The following ZNF248 variants were observed in gnomAD, a reference collection of about 807,000 sequenced individuals.
ZNF248 encodes the protein KRAB protein domain.
Under a neutral mutation model 44.3 loss-of-function variants are expected in ZNF248, and 20 were observed. The observed-to-expected ratio is 0.45, with a 90% CI of 0.32 to 0.66. ZNF248 has a LOEUF of 0.66. ZNF248 is among the 30% of genes least tolerant of loss of function. ZNF248 has a pLI of 0.04. For missense variants in ZNF248, 654 were observed against 677.0 expected (o/e 0.97, Z 0.38); for synonymous variants, 224 against 229.0 (o/e 0.98, Z 0.20).
chr10:37,759,653 A>G, the ZNF248 span, among the ~76,000 whole-genome samples: 3 of 152,250 alleles, frequency 2.0e-5, no homozygotes, highest in Non-Finnish European at 4.4e-5. Flanking sequence ...GAGCCTTTTT[A>G]GTAAAGATTA....
downstream of ZNF248, among the ~76,000 whole-genome samples, chr10:37,771,804 C>T (rs1214638722): frequency 2.0e-5 from 3 of 151,974 alleles, no homozygotes; most frequent in Non-Finnish European, 4.4e-5. Context: ...AAAAAACAAT[C>T]GATGCACACC....
Position 37,829,614 on chromosome 10 carries a change from A to G in ZNF248, c.*2001T>C. On this transcript the variant is annotated 3_prime_UTR_variant, in exon 6 of 6. Coordinates refer to ENST00000395867, the MANE Select transcript of ZNF248 (RefSeq NM_021045.3). ...GTCCCAGTAGAGAACAGGTATAGAG[A>G]GCAGAGTAGCTCGGCAACGTCACCT... 2 of 985,428 alleles carry G rather than the reference A, an allele frequency of 2.0e-6. No homozygotes were observed. Among genetic ancestry groups the G allele is most frequent in the South Asian group, 4.7e-5 (1 of 21,284 alleles). 61.0% of individuals were successfully genotyped at this position (985,428 alleles called of 1,614,324 possible).
chr10:37,762,947 T>A, the ZNF248 span, among the ~76,000 whole-genome samples: 16 of 152,262 alleles, frequency 1.1e-4, no homozygotes, highest in East Asian at 5.8e-4. Flanking sequence ...ATTATTTTTT[T>A]AAAAAAATGT....
At chr10:37,820,205 T>G (rs2053228108) in intron 6 of ZNF248, 1 of 1,287,048 alleles carries the variant, frequency 7.8e-7, no homozygotes, top group African/African-American at 1.5e-5. Flanking sequence ...TTTTTTATAT[T>G]GTGAGGTCGG....
chr10:37,828,453 A>G (rs1457171599), downstream of ZNF248, among the ~76,000 whole-genome samples: 1 of 152,214 alleles, frequency 6.6e-6, no homozygotes, highest in Non-Finnish European at 1.5e-5. Flanking sequence ...GCTGGAAGCA[A>G]TAAGGACACA....
rs931479589 is a variant in ZNF248, at chr10:37,831,471, A to G, written c.*144T>C. 5 of 1,458,588 alleles carry G rather than the reference A, an allele frequency of 3.4e-6. No individual in the cohort carries two copies. In the African/African-American group the frequency reaches 7.2e-5, roughly 21 times the overall value. The allele number at this position is 1,458,588 out of a possible 1,614,324, so 90.4% of individuals were successfully genotyped here. A position where few individuals can be genotyped will look rare whatever the true frequency, so the allele number is the denominator to read the frequency against. On this transcript the variant is annotated 3_prime_UTR_variant, in exon 6 of 6. Transcript: ENST00000395867. ...TCCCCTCAGTACAAATTTTCTAATGAAAAGTTTTAATTTTTCTTGAAAGCT... is the reference window on the plus strand; with the variant it reads ...TCCCCTCAGTACAAATTTTCTAATGGAAAGTTTTAATTTTTCTTGAAAGCT...
At chr10:37,841,593 T>C (rs938960553) in intron 3 of ZNF248, among the ~76,000 whole-genome samples, 11 of 152,218 alleles carry the variant, frequency 7.2e-5, no homozygotes, top group African/African-American at 2.7e-4. Context: ...ATAATTTATA[T>C]GGATACTCTG....
downstream of ZNF248, among the ~76,000 whole-genome samples, chr10:37,772,220 A>C (rs1164352894): frequency 6.6e-6 from 1 of 151,702 alleles, no homozygotes; most frequent in African/African-American, 2.4e-5. Context: ...AGCCAAGTTC[A>C]TGCCACTGCA....
chr10:37,830,580 T>C lies in ZNF248; in HGVS notation c.*1035A>G. On this transcript the variant is annotated 3_prime_UTR_variant, in exon 6 of 6. Coordinates refer to ENST00000395867, the MANE Select transcript of ZNF248 (RefSeq NM_021045.3). ...TCAGGAAATAGAAGGGGTATGTGGT[T>C]TGTATTGCCAAATACGTTTTCATAT... The C allele has an allele frequency of 1.0e-6, 1 of 985,436 alleles. No individual in the cohort carries two copies. Among genetic ancestry groups the C allele is most frequent in the Non-Finnish European group, 1.2e-6 (1 of 829,920 alleles). 61.0% of individuals were successfully genotyped at this position (985,436 alleles called of 1,614,324 possible). A position where few individuals can be genotyped will look rare whatever the true frequency, so the allele number is the denominator to read the frequency against.
At chr10:37,847,201 A>AT (rs1285672806) in intron 3 of ZNF248, among the ~76,000 whole-genome samples, 1 of 151,628 alleles carries the variant, frequency 6.6e-6, no homozygotes, top group Non-Finnish European at 1.5e-5. Context: ...CTAACTTTTT[A>AT]TTTTTATTTT....
At chr10:37,855,209 G>A (rs1343125923) in intron 3 of ZNF248, among the ~76,000 whole-genome samples, 1 of 152,140 alleles carries the variant, frequency 6.6e-6, no homozygotes, top group Non-Finnish European at 1.5e-5. Context: ...GTCTGGGACT[G>A]TCCCAATATA....
chr10:37,826,483 C>T (rs1314622789), downstream of ZNF248, among the ~76,000 whole-genome samples: 5 of 152,282 alleles, frequency 3.3e-5, no homozygotes, highest in East Asian at 9.6e-4. Flanking sequence ...TCTGACTGTT[C>T]TTCTAAAGTT....
At chr10:37,765,748 CAG>C in the ZNF248 span, among the ~76,000 whole-genome samples, 1 of 152,326 alleles carries the variant, frequency 6.6e-6, no homozygotes, top group African/African-American at 2.4e-5. Context: ...TAGGGAGTGC[CAG>C]ACAGTGGGTG....
the ZNF248 span, among the ~76,000 whole-genome samples, chr10:37,768,387 C>A: frequency 1.3e-5 from 2 of 151,070 alleles, no homozygotes; most frequent in African/African-American, 4.9e-5. Flanking sequence ...CTCTCCTCAG[C>A]AAATGTAAAA....
At chr10:37,856,869 A>G (rs2061386466) in intron 1 of ZNF248, 1 of 247,130 alleles carries the variant, frequency 4.0e-6, no homozygotes, top group Non-Finnish European at 6.4e-6. Context: ...TTGACTTCTA[A>G]TCTCAGTTCT....
chr10:37,787,325 ATAAAG>A lies in ZNF248; in HGVS notation c.331-10755_331-10751del, dbSNP rs763118347. ...ATAAGTAAAATACATAAATAAATAA[ATAAAG>A]TATACTATAAAGTTACCAAAATCAA... On this transcript the variant is annotated intron_variant, in intron 6 of 6. Transcript: ENST00000615949. Among the ~76,000 whole-genome samples, 173 of 152,070 alleles carry A rather than the reference ATAAAG, an allele frequency of 1.1e-3. 1 individual carries two copies. Among genetic ancestry groups the A allele is most frequent in the Non-Finnish European group, 1.1e-3 (74 of 67,984 alleles).
chr10:37,804,586 A>G (rs910829207), intron 6 of ZNF248, among the ~76,000 whole-genome samples: 5 of 152,276 alleles, frequency 3.3e-5, no homozygotes, highest in South Asian at 4.1e-4. Context: ...GGCACCTGCC[A>G]CCATACCTGG....
intron 6 of ZNF248, among the ~76,000 whole-genome samples, chr10:37,796,836 A>G (rs2049219088): frequency 6.6e-6 from 1 of 152,156 alleles, no homozygotes; most frequent in South Asian, 2.1e-4. Flanking sequence ...TCCTCCATCA[A>G]TCAATTAGAA....
At chr10:37,812,714 A>G (rs1445379353) in intron 6 of ZNF248, among the ~76,000 whole-genome samples, 3 of 152,046 alleles carry the variant, frequency 2.0e-5, no homozygotes, top group Admixed American at 1.3e-4. Flanking sequence ...GCCCCCAGAC[A>G]GTGTCTCTAA....
Sources: gnomAD v4.1 joint callset for allele counts (sites outside exome capture counted in the v4.1 genomes callset) on GRCh38, gnomAD v4.1.1 for gene constraint, MANE v1.5 for transcripts, NCBI Gene and HGNC (gene_info 2026-07-23, HGNC 2026-07-21) for gene names.